CD8B2: variants seen among roughly 807,000 people sequenced by gnomAD.
The protein encoded by CD8B2 is T-cell surface glycoprotein CD8 beta-2 chain.
A neutral mutation model predicts 23.7 loss-of-function variants in CD8B2; 11 were observed. That is an observed-to-expected ratio of 0.46 (90% CI 0.29 to 0.77). The LOEUF is 0.77. CD8B2 is among the 30% of genes least tolerant of loss of function. The pLI, the probability that CD8B2 is intolerant of heterozygous loss-of-function variation, is 0.09. For synonymous variants in CD8B2, 90 were observed against 109.3 expected (o/e 0.82, Z 1.10); for missense variants, 197 against 270.5 (o/e 0.73, Z 1.91).
intron 5 of CD8B2, chr2:106,521,552 A>G (rs773358463): frequency 6.6e-6 from 1 of 152,226 alleles, no homozygotes; most frequent in Non-Finnish European, 1.5e-5. Context: ...TAACTCTTAT[A>G]TCACTCCAAT....
intron 5 of CD8B2, among the ~76,000 whole-genome samples, chr2:106,519,902 T>C (rs1222190352): frequency 6.6e-6 from 1 of 152,208 alleles, no homozygotes; most frequent in East Asian, 1.9e-4. Flanking sequence ...TTGGACAAGC[T>C]TGGTCTAAGA....
chr2:106,503,559 G>A (rs937047155), intron 4 of CD8B2, among the ~76,000 whole-genome samples: 10 of 152,122 alleles, frequency 6.6e-5, no homozygotes, highest in African/African-American at 9.7e-5. Context: ...TTAAATAAGC[G>A]AATACAGCTA....
rs1343437418 is a variant in CD8B2, at chr2:106,510,713, CACAG to C, written c.*3780_*3783del. On this transcript the variant is annotated 3_prime_UTR_variant, in exon 6 of 6. Coordinates refer to ENST00000643224, the MANE Select transcript of CD8B2 (RefSeq NM_001349727.2). ...CGCCACTGCACTCCAGCCTGGGCAACACAGACAGACCTTGTCTCAAAAATAAATT... is the reference window on the plus strand; with the variant it reads ...CGCCACTGCACTCCAGCCTGGGCAACACAGACCTTGTCTCAAAAATAAATT... 6.6e-6 allele frequency: 1 copy of C among 152,030 alleles called. No homozygotes were observed. The highest frequency in any genetic ancestry group is 2.4e-5 in the African/African-American group (1 of 41,388). The allele number at this position is 152,030 out of a possible 1,614,324, so 9.4% of individuals were successfully genotyped here. A position where few individuals can be genotyped will look rare whatever the true frequency, so the allele number is the denominator to read the frequency against.
intron 5 of CD8B2, 21 bp from the exon 6 acceptor site, chr2:106,506,907 A>T (rs144897643): frequency 0.19 from 302,585 of 1,574,310 alleles, 32,284 homozygotes; most frequent in Non-Finnish European, 0.22. Context: ...AAGTGGTTTC[A>T]CAACTTGCTG....
intron 3 of CD8B2, among the ~76,000 whole-genome samples, chr2:106,500,475 C>T (rs75130758): frequency 0.09 from 6,910 of 76,746 alleles, no homozygotes; most frequent in African/African-American, 0.18. Context: ...GCCCAGATCT[C>T]GCCATTGCAC....
chr2:106,491,950 A>G (rs1003281349), intron 2 of CD8B2, among the ~76,000 whole-genome samples: 1 of 152,040 alleles, frequency 6.6e-6, no homozygotes, highest in African/African-American at 2.4e-5. Flanking sequence ...TTGGCCTTAT[A>G]GTGGTGTTAG....
At chr2:106,518,567 G>C (rs566085853) in intron 5 of CD8B2, among the ~76,000 whole-genome samples, 1 of 152,276 alleles carries the variant, frequency 6.6e-6, no homozygotes, top group African/African-American at 2.4e-5. Flanking sequence ...ACTATTCTCT[G>C]TAAGGCAAAC....
intron 5 of CD8B2, among the ~76,000 whole-genome samples, chr2:106,504,840 T>C (rs1558878702): frequency 6.6e-6 from 1 of 152,158 alleles, no homozygotes; most frequent in Admixed American, 6.5e-5. Flanking sequence ...ATCACCCTCA[T>C]TTGACAGATC....
intron 5 of CD8B2, among the ~76,000 whole-genome samples, chr2:106,527,771 A>G (rs534148308): frequency 6.6e-6 from 1 of 151,818 alleles, no homozygotes; most frequent in Non-Finnish European, 1.5e-5. Context: ...CCACAGAGCG[A>G]GACTTTGTCT....
downstream of CD8B2, among the ~76,000 whole-genome samples, chr2:106,511,942 C>A (rs1223844723): frequency 6.6e-6 from 1 of 152,262 alleles, no homozygotes; most frequent in African/African-American, 2.4e-5. Context: ...AAGACACTTA[C>A]ATCCTCCACA....
intron 3 of CD8B2, among the ~76,000 whole-genome samples, chr2:106,500,566 A>AAGTT (rs1169560864): frequency 7.2e-6 from 1 of 139,458 alleles, no homozygotes; most frequent in African/African-American, 2.6e-5. Context: ...ATAAATAATT[A>AAGTT]AAAAATACCA....
downstream of CD8B2, among the ~76,000 whole-genome samples, chr2:106,513,418 G>A (rs1414592993): frequency 6.6e-6 from 1 of 151,992 alleles, no homozygotes; most frequent in Admixed American, 6.6e-5. Context: ...ACCAGAGAAA[G>A]ACCCGGGTGA....
intron 5 of CD8B2, among the ~76,000 whole-genome samples, chr2:106,526,799 G>C (rs1679914255): frequency 6.6e-6 from 1 of 152,118 alleles, no homozygotes; most frequent in African/African-American, 2.4e-5. Flanking sequence ...ACAGGCATGT[G>C]CCACCATACC....
chr2:106,507,585 C>T lies in CD8B2; in HGVS notation c.*645C>T, dbSNP rs1484782098. On this transcript the variant is annotated 3_prime_UTR_variant, in exon 6 of 6. Transcript: ENST00000643224. ...AGCTCCCATTTCTACTCTCCCATGG[C>T]TTAATGCTTCTTTCATTTTCTGTTT... 2 of 964,766 alleles carry T rather than the reference C, an allele frequency of 2.1e-6. No homozygotes were observed. Among genetic ancestry groups the T allele is most frequent in the Admixed American group, 1.2e-4 (2 of 16,248 alleles). The allele number at this position is 964,766 out of a possible 1,614,324, so 59.8% of individuals were successfully genotyped here. A position where few individuals can be genotyped will look rare whatever the true frequency, so the allele number is the denominator to read the frequency against.
chr2:106,504,734 T>G (rs954384998), intron 5 of CD8B2, among the ~76,000 whole-genome samples: 5 of 152,338 alleles, frequency 3.3e-5, no homozygotes, highest in African/African-American at 4.8e-5. Context: ...AGGCTTTGCA[T>G]GCACAGAATA....
At chr2:106,521,050 A>AG (rs1250918048) in intron 5 of CD8B2, among the ~76,000 whole-genome samples, 98 of 105,332 alleles carry the variant, frequency 9.3e-4, no homozygotes, top group Admixed American at 1.7e-3. Flanking sequence ...GAGAGAGAGA[A>AG]AGAGAGAGAC....
intron 5 of CD8B2, among the ~76,000 whole-genome samples, chr2:106,523,877 G>C (rs886317331): frequency 6.6e-6 from 1 of 152,164 alleles, no homozygotes. Flanking sequence ...TGGGTCGGCT[G>C]TCTCATTGTC....
intron 1 of CD8B2, among the ~76,000 whole-genome samples, chr2:106,488,580 C>T (rs983899345): frequency 3.9e-5 from 6 of 152,172 alleles, no homozygotes; most frequent in Admixed American, 6.5e-5. Flanking sequence ...ACTGTGTGCT[C>T]GTGAGCACAT....
intron 3 of CD8B2, among the ~76,000 whole-genome samples, chr2:106,501,544 T>C (rs1261562195): frequency 6.6e-6 from 1 of 152,094 alleles, no homozygotes; most frequent in Non-Finnish European, 1.5e-5. Flanking sequence ...TAGCCAGGCA[T>C]GACGGCGGAC....
Sources: gnomAD v4.1 joint callset for allele counts (sites outside exome capture counted in the v4.1 genomes callset) on GRCh38, gnomAD v4.1.1 for gene constraint, MANE v1.5 for transcripts, NCBI Gene and HGNC (gene_info 2026-07-23, HGNC 2026-07-21) for gene names.